KCNV2: variants seen among roughly 807,000 people sequenced by gnomAD.
The protein encoded by KCNV2 is potassium voltage-gated channel subfamily V member 2.
Under a neutral mutation model 37.0 loss-of-function variants are expected in KCNV2, and 65 were observed. The ratio of observed to expected loss-of-function variants is 1.76; its 90% CI spans 1.44 to 2.16. The LOEUF (loss-of-function observed/expected upper bound fraction) is 2.16. Among genes scored for constraint, KCNV2 ranks in the 30% most tolerant of loss-of-function variants. KCNV2 has a pLI of 0.00. For missense variants in KCNV2, 1,232 were observed against 766.7 expected (o/e 1.61, Z -7.17); for synonymous variants, 518 against 328.6 (o/e 1.58, Z -6.23).
intron 1 of KCNV2, among the ~76,000 whole-genome samples, chr9:2,723,881 G>A (rs547812167): frequency 2.4e-4 from 37 of 152,150 alleles, no homozygotes; most frequent in Non-Finnish European, 4.6e-4. Flanking sequence ...GGAAATGCAC[G>A]GCACAGCTAA....
rs368923394 is a variant in KCNV2 at position 2,718,481 on chromosome 9, A to T, written c.742A>T (p.Asn248Tyr). The change falls in exon 1 of 2, where the codon AAC (asparagine) becomes TAC (tyrosine). Residue 248 changes from asparagine to tyrosine, a missense_variant. Physicochemically the swap from Asn to Tyr is moderately radical, Grantham distance 143. Coordinates refer to ENST00000382082, the MANE Select transcript of KCNV2 (RefSeq NM_133497.4). ...FYGPQRRRLWNLMEKPFSSVA... is the reference protein window; with the variant it reads ...FYGPQRRRLWYLMEKPFSSVA... ...CGGCCCGCAGCGGCGCCGCCTCTGG[A>T]ACCTCATGGAGAAGCCATTCTCCTC... The T allele has an allele frequency of 6.8e-6, 11 of 1,610,432 alleles. No homozygotes were observed. Among genetic ancestry groups the T allele is most frequent in the Non-Finnish European group, 8.5e-6 (10 of 1,179,088 alleles).
chr9:2,717,716 G>T lies in KCNV2; in HGVS notation c.-24G>T. ...CCCCTACCACAGCCAGGAGGAAAAA[G>T]CTAGGCGTCCACTTTCCGCAGCCAT... On this transcript the variant is annotated 5_prime_UTR_variant, in exon 1 of 2. Transcript: ENST00000382082. 6.2e-7 allele frequency: 1 copy of T among 1,614,146 alleles called. No homozygotes were observed. Among genetic ancestry groups the T allele is most frequent in the Non-Finnish European group, 8.5e-7 (1 of 1,180,034 alleles).
rs1445272716 is a variant in KCNV2 at position 2,718,991 on chromosome 9, A to G, written c.1252A>G (p.Ile418Val). ...GCAGGTGGGCTGCCTGCTGCTCTTC[A>G]TCGCCATGGGCATCTTCACTTTCTC... The part of the protein sequence containing the change: ...YQQVGCLLLF[I>V]AMGIFTFSAA... The change falls in exon 1 of 2, where the codon ATC (isoleucine) becomes GTC (valine). Residue 418 changes from isoleucine to valine, a missense_variant. Ile to Val is a conservative substitution (Grantham distance 29). Coordinates refer to ENST00000382082, the MANE Select transcript of KCNV2 (RefSeq NM_133497.4). 6.2e-7 allele frequency: 1 copy of G among 1,612,324 alleles called. No homozygotes were observed. The highest frequency in any genetic ancestry group is 2.2e-5 in the East Asian group (1 of 44,866).
In KCNV2 at chr9:2,718,150, C is replaced by T. The variant is rs932944724; in HGVS notation, c.411C>T (p.Ser137=). 3.1e-6 allele frequency: 5 copies of T among 1,611,526 alleles called. No individual in the cohort carries two copies. Among genetic ancestry groups the T allele is most frequent in the Non-Finnish European group, 4.2e-6 (5 of 1,178,976 alleles). Residue 137 remains serine, a synonymous_variant, in exon 1 of 2, where the codon AGC becomes AGT. Transcript: ENST00000382082. ...CCACCAGCCGCAGCCGCCAGCTAAGCCTGTGCGACGACTACGAGGAGCAGA... is the reference window on the plus strand; with the variant it reads ...CCACCAGCCGCAGCCGCCAGCTAAGTCTGTGCGACGACTACGAGGAGCAGA... ...ATSTSRSRQL[S]LCDDYEEQTD...
chr9:2,730,013 G>C lies in KCNV2; in HGVS notation c.*286G>C. On this transcript the variant is annotated 3_prime_UTR_variant, in exon 2 of 2. Transcript: ENST00000382082. ...TTCTTGTAGCTTCTCGTGGCATCTAGCTCAATAAATATTTTTGGACTTGAG... is the reference window on the plus strand; with the variant it reads ...TTCTTGTAGCTTCTCGTGGCATCTACCTCAATAAATATTTTTGGACTTGAG... 1 of 364,336 alleles carries C rather than the reference G, an allele frequency of 2.7e-6. No homozygotes were observed. The highest frequency in any genetic ancestry group is 5.0e-6 in the Non-Finnish European group (1 of 200,040). The allele number at this position is 364,336 out of a possible 1,614,324, so 22.6% of individuals were successfully genotyped here.
At position 2,718,778 on chromosome 9, in the gene KCNV2, T is replaced by C. The variant is rs760186581; in HGVS notation, c.1039T>C (p.Tyr347His). 1 of 1,611,196 alleles carries C rather than the reference T, an allele frequency of 6.2e-7. No homozygotes were observed. The highest frequency in any genetic ancestry group is 1.1e-5 in the South Asian group (1 of 91,080). Residue 347 changes from tyrosine to histidine, a missense_variant, in exon 1 of 2, where the codon TAC becomes CAC. Physicochemically the swap from Tyr to His is moderately conservative, Grantham distance 83. Coordinates refer to ENST00000382082, the MANE Select transcript of KCNV2 (RefSeq NM_133497.4). ...GGACCTGGTGGCCATCCTGCCGCTC[T>C]ACCTTCAGCTGCTGCTCGAGTGCTT... ...LVDLVAILPL[Y>H]LQLLLECFTG...
At chr9:2,719,272 A>C (rs762470552) in intron 1 of KCNV2, among the ~76,000 whole-genome samples, 177 bp downstream of exon 1, 19 of 152,178 alleles carry the variant, frequency 1.2e-4, no homozygotes, top group Non-Finnish European at 2.5e-4. Flanking sequence ...TGGAAAGAGA[A>C]CTCAGCAGAT....
chr9:2,718,361 G>A lies in KCNV2; in HGVS notation c.622G>A (p.Asp208Asn), dbSNP rs1184204509. 10 of 1,598,894 alleles carry A rather than the reference G, an allele frequency of 6.3e-6. No homozygotes were observed. The highest frequency in any genetic ancestry group is 2.3e-5 in the East Asian group (1 of 44,334). Residue 208 changes from aspartate (D) to asparagine (N), a missense_variant, in exon 1 of 2, where the codon GAC (aspartate) becomes AAC (asparagine). Physicochemically the swap from Asp to Asn is conservative, Grantham distance 23 (BLOSUM62 1). Transcript: ENST00000382082. Reference protein sequence around the residue: ...CCRICFEERRDELSERLKIQH... With the variant: ...CCRICFEERRNELSERLKIQH... ...CCGCATCTGCTTCGAGGAGCGGCGCGACGAGCTGAGCGAACGGCTCAAGAT... is the reference window on the plus strand; with the variant it reads ...CCGCATCTGCTTCGAGGAGCGGCGCAACGAGCTGAGCGAACGGCTCAAGAT...
chr9:2,729,608 G>A lies in KCNV2; in HGVS notation c.1519G>A (p.Glu507Lys). 6.2e-7 allele frequency: 1 copy of A among 1,614,082 alleles called. No homozygotes were observed. Among genetic ancestry groups the A allele is most frequent in the Non-Finnish European group, 8.5e-7 (1 of 1,180,004 alleles). ...SDYYSKLKAY[E>K]YTTIRRERGE... ...TTACTACAGCAAGCTGAAGGCTTAT[G>A]AGTATACCACCATACGCAGGGAGAG... The change falls in exon 2 of 2, where the codon GAG (glutamate) becomes AAG (lysine). Residue 507 changes from glutamate (E) to lysine (K), a missense_variant. By Grantham distance (56) the Glu-to-Lys change is moderately conservative (BLOSUM62 1). Transcript: ENST00000382082.
chr9:2,718,708 C>T lies in KCNV2; in HGVS notation c.969C>T (p.Ser323=), dbSNP rs1360001250. The T allele has an allele frequency of 3.7e-6, 6 of 1,613,068 alleles. No homozygotes were observed. Among genetic ancestry groups the T allele is most frequent in the African/African-American group, 1.3e-5 (1 of 74,940 alleles). ...FTLEYLLRLA[S]TPDLRRFARS... ...TCGAGTACCTGCTGCGCCTAGCCTC[C>T]ACGCCCGACCTGAGGCGCTTCGCGC... is the stretch of plus-strand genomic sequence containing the variant. Residue 323 remains serine, a synonymous_variant, in exon 1 of 2, where the codon TCC becomes TCT. Transcript: ENST00000382082.
chr9:2,729,620 A>C lies in KCNV2; in HGVS notation c.1531A>C (p.Ile511Leu). 6.2e-7 allele frequency: 1 copy of C among 1,614,122 alleles called. No individual in the cohort carries two copies. Among genetic ancestry groups the C allele is most frequent in the South Asian group, 1.1e-5 (1 of 91,082 alleles). ...SKLKAYEYTTIRRERGEVNFM... is the reference protein window; with the variant it reads ...SKLKAYEYTTLRRERGEVNFM... Reference sequence around the variant, plus strand: ...GCTGAAGGCTTATGAGTATACCACCATACGCAGGGAGAGGGGAGAGGTGAA... The same window carrying C: ...GCTGAAGGCTTATGAGTATACCACCCTACGCAGGGAGAGGGGAGAGGTGAA... Residue 511 changes from isoleucine (I) to leucine (L), a missense_variant, in exon 2 of 2, where the codon ATA becomes CTA. Physicochemically the swap from Ile to Leu is conservative, Grantham distance 5 (BLOSUM62 2). Transcript: ENST00000382082.
intron 1 of KCNV2, among the ~76,000 whole-genome samples, chr9:2,721,805 G>C (rs1037720111): frequency 1.3e-5 from 2 of 152,098 alleles, no homozygotes; most frequent in Admixed American, 1.3e-4. Flanking sequence ...TCTTTAGTGG[G>C]ATAGTCAGAG....
chr9:2,718,444 C>T lies in KCNV2; in HGVS notation c.705C>T (p.Asp235=), dbSNP rs1339731423. Residue 235 remains aspartate (D), a synonymous_variant, in exon 1 of 2, where the codon GAC becomes GAT. Coordinates refer to ENST00000382082, the MANE Select transcript of KCNV2 (RefSeq NM_133497.4). ...AGGAGGCGGAGGAACTCTTCCGCGA[C>T]ATGCGCTTCTACGGCCCGCAGCGGC... The part of the protein sequence containing the change: ...QVEEAEELFR[D]MRFYGPQRRR... 1 of 1,607,530 alleles carries T rather than the reference C, an allele frequency of 6.2e-7. No individual in the cohort carries two copies. Among genetic ancestry groups the T allele is most frequent in the Non-Finnish European group, 8.5e-7 (1 of 1,177,690 alleles).
At position 2,718,681 on chromosome 9, in the gene KCNV2, G is replaced by A. The variant is rs768891775; in HGVS notation, c.942G>A (p.Thr314=). 62 of 1,613,162 alleles carry A rather than the reference G, an allele frequency of 3.8e-5. No individual in the cohort carries two copies. The highest frequency in any genetic ancestry group is 5.0e-5 in the Admixed American group (3 of 60,006). The part of the protein sequence containing the change: ...HVEMLCMGFF[T]LEYLLRLAST... The stretch of plus-strand genomic sequence containing the variant: ...AGATGCTGTGCATGGGCTTCTTCAC[G>A]CTCGAGTACCTGCTGCGCCTAGCCT... Residue 314 remains threonine, a synonymous_variant, in exon 1 of 2, where the codon ACG becomes ACA. Coordinates refer to ENST00000382082, the MANE Select transcript of KCNV2 (RefSeq NM_133497.4).
At position 2,719,097 on chromosome 9, in the gene KCNV2, T is replaced by C. The variant is rs1819813356; in HGVS notation, c.1356+2T>C. 6.2e-7 allele frequency: 1 copy of C among 1,607,636 alleles called. No individual in the cohort carries two copies. The highest frequency in any genetic ancestry group is 1.1e-5 in the South Asian group (1 of 91,062). On this transcript the variant is annotated splice_donor_variant, in intron 1 of 1. Coordinates refer to ENST00000382082, the MANE Select transcript of KCNV2 (RefSeq NM_133497.4). LOFTEE classifies it high-confidence loss of function. Reference sequence around the variant, plus strand: ...CCCCACTCCTGGTGGTGGGCCGCGGTGAGTACCTTTGCCCTGGGCTTTCCC... The same window carrying C: ...CCCCACTCCTGGTGGTGGGCCGCGGCGAGTACCTTTGCCCTGGGCTTTCCC...
intron 1 of KCNV2, among the ~76,000 whole-genome samples, chr9:2,722,440 T>TAG (rs1189238506): frequency 1.4e-5 from 2 of 138,254 alleles, no homozygotes; most frequent in South Asian, 2.4e-4. Context: ...TATTTATAAA[T>TAG]AAGTTATTTA....
chr9:2,722,107 T>C (rs889705611), intron 1 of KCNV2, among the ~76,000 whole-genome samples: 1 of 137,900 alleles, frequency 7.3e-6, no homozygotes, highest in Non-Finnish European at 1.5e-5. Context: ...AAATTAGAAG[T>C]TATTTATAAA....
chr9:2,722,046 TATAAATAAATTAGAAGTTATTTATAA>T (rs1819879660), intron 1 of KCNV2, among the ~76,000 whole-genome samples: 5 of 144,454 alleles, frequency 3.5e-5, no homozygotes, highest in African/African-American at 8.1e-5. Context: ...GTTATTTATT[TATAAATAAATTAGAAGTTATTTATAA>T]ATAAATTAGA....
At chr9:2,728,257 T>G (rs1820000162) in intron 1 of KCNV2, among the ~76,000 whole-genome samples, 1 of 152,240 alleles carries the variant, frequency 6.6e-6, no homozygotes, top group South Asian at 2.1e-4. Flanking sequence ...TATGCTTTAC[T>G]GCCGTCTGCT....
Sources: gnomAD v4.1 joint callset for allele counts (sites outside exome capture counted in the v4.1 genomes callset) on GRCh38, gnomAD v4.1.1 for gene constraint, MANE v1.5 for transcripts, NCBI Gene and HGNC (gene_info 2026-07-23, HGNC 2026-07-21) for gene names.